The following GNE variants were observed in gnomAD, a reference collection of about 807,000 sequenced individuals.
GNE encodes the protein bifunctional UDP-N-acetylglucosamine 2-epimerase/N-acetylmannosamine kinase.
GNE carries 41 observed loss-of-function variants against 61.8 expected under a neutral mutation model. That is an observed-to-expected ratio of 0.66 (90% CI 0.52 to 0.86). The LOEUF is 0.86. GNE is among the 40% of genes least tolerant of loss of function. The probability of loss-of-function intolerance (pLI) is 0.00; values close to 1 mark genes in which losing one functional copy is unlikely to be tolerated. For synonymous variants in GNE, 264 were observed against 326.4 expected (o/e 0.81, Z 2.06); for missense variants, 608 against 909.1 (o/e 0.67, Z 4.26).
rs886063925 is a variant in GNE, at chr9:36,219,826, AG to A, written c.1816+11del. The A allele has an allele frequency of 6.2e-7, 1 of 1,611,784 alleles. No homozygotes were observed. Among genetic ancestry groups the A allele is most frequent in the Non-Finnish European group, 8.5e-7 (1 of 1,177,836 alleles). The stretch of plus-strand genomic sequence containing the variant: ...ATTTGGTTACTTAATTCCTCGAGAG[AG>A]GGACACCAACCATCATGGAGCTTTT... On this transcript the variant is annotated intron_variant, in intron 10 of 11. Transcript: ENST00000642385.
chr9:36,233,330 C>T (rs1829252655), intron 5 of GNE, among the ~76,000 whole-genome samples: 1 of 152,194 alleles, frequency 6.6e-6, no homozygotes, highest in Non-Finnish European at 1.5e-5. Flanking sequence ...ATGAAACATT[C>T]AACCACATTC....
rs1184333930 is a variant in GNE at position 36,214,906 on chromosome 9, T to C, written c.*2459A>G. On this transcript the variant is annotated 3_prime_UTR_variant, in exon 12 of 12. Transcript: ENST00000642385. ...TAGGAAGGATATAGTTCAAATGTAA[T>C]GTTGAGTCCTTCAGTTTATTTGAAC... is the stretch of plus-strand genomic sequence containing the variant. The C allele has an allele frequency of 1.3e-5, 2 of 152,230 alleles. No homozygotes were observed. Among genetic ancestry groups the C allele is most frequent in the African/African-American group, 4.8e-5 (2 of 41,458 alleles). The allele number at this position is 152,230 out of a possible 1,614,324, so 9.4% of individuals were successfully genotyped here.
intron 1 of GNE, among the ~76,000 whole-genome samples, chr9:36,270,139 C>T (rs1296357569): frequency 6.6e-6 from 1 of 151,852 alleles, no homozygotes; most frequent in Non-Finnish European, 1.5e-5. Context: ...TTTATCAAAA[C>T]TTTTGTAGAG....
chr9:36,218,231 G>C lies in GNE; in HGVS notation c.1885C>G (p.Gln629Glu). ...TTCGCATTGCCAAGTTTCGCAGCTT[G>C]GATGAGATGGAGCGCACCCACAGCC... ...DEAVGALHLI[Q>E]AAKLGNAKAQ... The change falls in exon 11 of 12, where the codon CAA becomes GAA. Residue 629 changes from glutamine (Q) to glutamate (E), a missense_variant. Transcript: ENST00000642385. This position sits in a 1 kb window ranked among gnomAD's most constrained non-coding sequence, Gnocchi z 4.1. The C allele has an allele frequency of 2.5e-6, 4 of 1,614,008 alleles. No homozygotes were observed. The highest frequency in any genetic ancestry group is 3.4e-6 in the Non-Finnish European group (4 of 1,179,940).
intron 3 of GNE, among the ~76,000 whole-genome samples, chr9:36,238,637 A>G (rs1040540326): frequency 6.6e-6 from 1 of 152,152 alleles, no homozygotes; most frequent in African/African-American, 2.4e-5. Flanking sequence ...GATTCTGGAT[A>G]TTAGTCTTTT....
At chr9:36,258,196 C>T in intron 1 of GNE, 125 bp downstream of exon 1, 1 of 399,374 alleles carries the variant, frequency 2.5e-6, no homozygotes, top group Non-Finnish European at 3.4e-6. Context: ...CCAGTGTGGG[C>T]CTCGGGGCGC....
At chr9:36,265,332 C>T in intron 1 of GNE, 1 of 448,002 alleles carries the variant, frequency 2.2e-6, no homozygotes, top group Non-Finnish European at 4.5e-6. Context: ...AGGCTTGCTG[C>T]CATCTTGGAA....
chr9:36,253,868 T>C (rs2133145042), intron 1 of GNE, among the ~76,000 whole-genome samples: 1 of 150,950 alleles, frequency 6.6e-6, no homozygotes, highest in South Asian at 2.1e-4. Context: ...TGAAACCCCA[T>C]CTCTACTAAA....
intron 1 of GNE, among the ~76,000 whole-genome samples, chr9:36,267,521 A>AC (rs1427888810): frequency 1.3e-5 from 2 of 151,998 alleles, no homozygotes; most frequent in Admixed American, 1.3e-4. Context: ...ACATGGTGAA[A>AC]CCCCATCTCT....
intron 3 of GNE, among the ~76,000 whole-genome samples, chr9:36,242,734 T>A (rs867489749): frequency 2.3e-5 from 2 of 87,934 alleles, no homozygotes; most frequent in African/African-American, 9.9e-5. Flanking sequence ...TTATGCTTGT[T>A]TTTTTTTTTT....
upstream of GNE, among the ~76,000 whole-genome samples, chr9:36,260,665 C>T (rs1830579731): frequency 6.6e-6 from 1 of 151,688 alleles, no homozygotes; most frequent in Non-Finnish European, 1.5e-5. Context: ...GTGAGGAGAT[C>T]GAGACCATCC....
rs1458751571 is a variant in GNE at position 36,216,315 on chromosome 9, A to G, written c.*1050T>C. 3.6e-6 allele frequency: 1 copy of G among 277,308 alleles called. No individual in the cohort carries two copies. Among genetic ancestry groups the G allele is most frequent in the Non-Finnish European group, 7.3e-6 (1 of 137,364 alleles). The allele number at this position is 277,308 out of a possible 1,614,324, so 17.2% of individuals were successfully genotyped here. On this transcript the variant is annotated 3_prime_UTR_variant, in exon 12 of 12. Transcript: ENST00000642385. ...CCTTCTGTGATCTTAGTTTGGGGTT[A>G]GAGGAGGAAGGATGTGTGTGTGTGT...
intron 1 of GNE, among the ~76,000 whole-genome samples, chr9:36,270,287 T>C (rs1196619681): frequency 1.3e-5 from 2 of 152,162 alleles, no homozygotes; most frequent in African/African-American, 4.8e-5. Context: ...ATCATCTTAT[T>C]TCCTTAATTC....
rs141595859 is a variant in GNE, at chr9:36,275,564, G to T, written c.51+1330C>A. 1.5e-4 allele frequency among the ~76,000 whole-genome samples: 23 copies of T among 152,240 alleles called. No homozygotes were observed. In the East Asian group the frequency reaches 4.4e-3, roughly 29 times the overall value. On this transcript the variant is annotated intron_variant, in intron 1 of 11. Transcript: ENST00000396594. ...CAAACATTAGGCAAATGAATGAAATGATTATTTCAGGCCATATTTTTAAAG... is the reference window on the plus strand; with the variant it reads ...CAAACATTAGGCAAATGAATGAAATTATTATTTCAGGCCATATTTTTAAAG...
intron 3 of GNE, among the ~76,000 whole-genome samples, chr9:36,245,316 A>G (rs1201207009): frequency 6.6e-6 from 1 of 152,004 alleles, no homozygotes; most frequent in East Asian, 1.9e-4. Flanking sequence ...CCATAATCCC[A>G]CACCAGAAAT....
intron 5 of GNE, 140 bp downstream of exon 5, chr9:36,233,780 A>C (rs1445746300): frequency 1.3e-6 from 1 of 772,312 alleles, no homozygotes; most frequent in Non-Finnish European, 2.4e-6. Flanking sequence ...TCGACTATAG[A>C]TTTTAGGCTT....
At chr9:36,249,494 C>T in intron 1 of GNE, 97 bp from the exon 2 acceptor site, 2 of 806,320 alleles carry the variant, frequency 2.5e-6, no homozygotes, top group South Asian at 3.7e-5. Context: ...TTTTCAGTTT[C>T]AAGTCCTTAA....
upstream of GNE, among the ~76,000 whole-genome samples, chr9:36,259,912 T>C (rs1183277052): frequency 6.6e-6 from 1 of 152,120 alleles, no homozygotes; most frequent in Non-Finnish European, 1.5e-5. Context: ...TCCGCCCACT[T>C]TGGCCTCCCA....
chr9:36,217,556 T>C lies in GNE; in HGVS notation c.1978A>G (p.Met660Val), dbSNP rs1554658048. 6.2e-7 allele frequency: 1 copy of C among 1,614,108 alleles called. No homozygotes were observed. Among genetic ancestry groups the C allele is most frequent in the Non-Finnish European group, 8.5e-7 (1 of 1,179,954 alleles). ...GAGAGGATCACAAGGGAGGGATTCA[T>C]GGTATGGAGGATGTTCACAACCCCA... ...GLGVVNILHT[M>V]NPSLVILSGV... Residue 660 changes from methionine (M) to valine (V), a missense_variant, in exon 12 of 12, where the codon ATG becomes GTG. Transcript: ENST00000642385.
Sources: gnomAD v4.1 joint callset for allele counts (sites outside exome capture counted in the v4.1 genomes callset) on GRCh38, gnomAD v4.1.1 for gene constraint, Gnocchi (gnomAD v3.1) non-coding constraint, MANE v1.5 for transcripts, NCBI Gene and HGNC (gene_info 2026-07-23, HGNC 2026-07-21) for gene names.